The following GRM3 variants were observed in gnomAD, a reference collection of about 807,000 sequenced individuals.
GRM3 encodes the protein glutamate metabotropic receptor 3.
GRM3 carries 26 observed loss-of-function variants against 70.5 expected under a neutral mutation model. The ratio of observed to expected loss-of-function variants is 0.37; its 90% CI spans 0.27 to 0.51. The LOEUF is 0.51. Ranked by LOEUF, GRM3 falls within the 20% of genes least tolerant of loss-of-function variation. The pLI is 0.93. For synonymous variants in GRM3, 443 were observed against 434.9 expected (o/e 1.02, Z -0.23); for missense variants, 859 against 1,123.8 (o/e 0.76, Z 3.37).
intron 1 of GRM3, among the ~76,000 whole-genome samples, chr7:86,751,544 C>T (rs1171397247): frequency 6.6e-6 from 1 of 152,104 alleles, no homozygotes; most frequent in Admixed American, 6.6e-5. Flanking sequence ...ATTTCATTCA[C>T]TTTTCAGAAA....
At chr7:86,746,341 T>TTTTATATATATATATATAGA (rs1388333232) in intron 1 of GRM3, among the ~76,000 whole-genome samples, 1 of 87,486 alleles carries the variant, frequency 1.1e-5, no homozygotes, top group Non-Finnish European at 2.0e-5. Flanking sequence ...CAGTCATGTA[T>TTTTATATATATATATATAGA]TATATATATA....
intron 2 of GRM3, among the ~76,000 whole-genome samples, chr7:86,772,372 C>T (rs1195864143): frequency 6.6e-6 from 1 of 152,094 alleles, no homozygotes; most frequent in Non-Finnish European, 1.5e-5. Context: ...AAGCATTTCT[C>T]TGCAATGGAA....
At chr7:86,768,530 T>C (rs998250732) in intron 2 of GRM3, among the ~76,000 whole-genome samples, 3 of 152,192 alleles carry the variant, frequency 2.0e-5, no homozygotes, top group Non-Finnish European at 4.4e-5. Flanking sequence ...ATTCAGAATA[T>C]GTTCATGTAG....
At chr7:86,775,107 T>G (rs571315240) in intron 2 of GRM3, 6 of 152,132 alleles carry the variant, frequency 3.9e-5, no homozygotes, top group Non-Finnish European at 7.4e-5. Flanking sequence ...ACAATGTTTA[T>G]TTAACTGACT....
At chr7:86,833,120 G>A in intron 3 of GRM3, 1 of 981,514 alleles carries the variant, frequency 1.0e-6, no homozygotes, top group Non-Finnish European at 1.2e-6. Context: ...CTTAACTTGA[G>A]AAACAGCAAA....
intron 3 of GRM3, among the ~76,000 whole-genome samples, chr7:86,822,130 AT>A (rs994862212): frequency 2.8e-4 from 42 of 151,238 alleles, no homozygotes; most frequent in Admixed American, 8.6e-4. Flanking sequence ...AATGACATCT[AT>A]TTTTTTTTCT....
At chr7:86,666,673 C>CTATT (rs1467483462) in intron 1 of GRM3, among the ~76,000 whole-genome samples, 4 of 151,878 alleles carry the variant, frequency 2.6e-5, no homozygotes, top group African/African-American at 9.7e-5. Context: ...TCCAAACTAG[C>CTATT]TATTTTTTTA....
intron 1 of GRM3, among the ~76,000 whole-genome samples, chr7:86,744,763 G>T (rs1220595745): frequency 6.6e-6 from 1 of 152,086 alleles, no homozygotes; most frequent in Non-Finnish European, 1.5e-5. Flanking sequence ...AGGAAGTCCA[G>T]CATGGTGGCT....
chr7:86,757,179 C>G (rs1172742323), intron 1 of GRM3, among the ~76,000 whole-genome samples: 2 of 152,152 alleles, frequency 1.3e-5, no homozygotes, highest in Non-Finnish European at 2.9e-5. Context: ...AATGCTTTCT[C>G]TCTTTGCTCT....
chr7:86,816,176 A>C (rs1417669688), intron 3 of GRM3, among the ~76,000 whole-genome samples: 1 of 151,944 alleles, frequency 6.6e-6, no homozygotes, highest in Non-Finnish European at 1.5e-5. Flanking sequence ...CAGCCAAGGC[A>C]GAAGCATTCA....
intron 1 of GRM3, among the ~76,000 whole-genome samples, chr7:86,743,704 A>G (rs945580858): frequency 3.3e-5 from 5 of 152,168 alleles, no homozygotes; most frequent in Admixed American, 6.6e-5. Flanking sequence ...TTACATTACA[A>G]CAAGGGCCTG....
intron 2 of GRM3, among the ~76,000 whole-genome samples, chr7:86,771,752 G>A (rs1483371193): frequency 2.6e-5 from 4 of 152,018 alleles, no homozygotes; most frequent in Admixed American, 2.6e-4. Flanking sequence ...CATAAGTACA[G>A]GGAGATCAGA....
intron 1 of GRM3, among the ~76,000 whole-genome samples, chr7:86,663,639 G>A (rs916812586): frequency 6.6e-6 from 1 of 151,896 alleles, no homozygotes; most frequent in Non-Finnish European, 1.5e-5. Context: ...TTGGAGATGA[G>A]ATTGAAGAAG....
intron 1 of GRM3, among the ~76,000 whole-genome samples, chr7:86,664,075 G>T (rs949611686): frequency 6.6e-6 from 1 of 151,844 alleles, no homozygotes; most frequent in East Asian, 1.9e-4. Context: ...TATGTTGAGG[G>T]TTGTTCTTAT....
At chr7:86,734,924 T>C (rs1036543026) in intron 1 of GRM3, among the ~76,000 whole-genome samples, 2 of 152,194 alleles carry the variant, frequency 1.3e-5, no homozygotes, top group African/African-American at 4.8e-5. Flanking sequence ...AATATGTAAA[T>C]ATTGTAAAAG....
chr7:86,764,710 A>C (rs1291930240), intron 1 of GRM3, among the ~76,000 whole-genome samples: 1 of 152,118 alleles, frequency 6.6e-6, no homozygotes, highest in African/African-American at 2.4e-5. Context: ...AAAGAAAAAA[A>C]AACAAAACAC....
intron 3 of GRM3, among the ~76,000 whole-genome samples, chr7:86,835,434 A>T (rs1798437472): frequency 6.6e-6 from 1 of 152,184 alleles, no homozygotes; most frequent in Admixed American, 6.5e-5. Context: ...ATCTTGGAGT[A>T]GGAAAGGATT....
At chr7:86,826,764 C>G (rs2116701450) in intron 3 of GRM3, among the ~76,000 whole-genome samples, 1 of 152,156 alleles carries the variant, frequency 6.6e-6, no homozygotes, top group Non-Finnish European at 1.5e-5. Flanking sequence ...CATTTTGGGC[C>G]AGGTATGTAT....
intron 1 of GRM3, among the ~76,000 whole-genome samples, chr7:86,751,421 G>A (rs967851846): frequency 2.6e-5 from 4 of 152,046 alleles, no homozygotes; most frequent in Non-Finnish European, 5.9e-5. Context: ...ACTGCTCCTT[G>A]TATCTTTAGA....
Sources: allele counts gnomAD v4.1 joint callset (sites outside exome capture counted in the v4.1 genomes callset), GRCh38; gene constraint gnomAD v4.1.1; transcripts MANE v1.5; gene names NCBI Gene and HGNC (gene_info 2026-07-23, HGNC 2026-07-21).